The following NWD2 variants were observed in gnomAD, a reference collection of about 807,000 sequenced individuals.
NWD2 encodes NACHT and WD repeat domain containing 2.
Under a neutral mutation model 132.7 loss-of-function variants are expected in NWD2, and 37 were observed. That is an observed-to-expected ratio of 0.28 (90% CI 0.21 to 0.37). The LOEUF (loss-of-function observed/expected upper bound fraction) is 0.37. Ranked by LOEUF, NWD2 falls within the 10% of genes least tolerant of loss-of-function variation. The pLI, the probability that NWD2 is intolerant of heterozygous loss-of-function variation, is 1.00. For synonymous variants in NWD2, 705 were observed against 803.0 expected (o/e 0.88, Z 2.06); for missense variants, 1,592 against 2,122.4 (o/e 0.75, Z 4.91).
At chr4:37,358,320 C>T (rs1219810516) in intron 3 of NWD2, among the ~76,000 whole-genome samples, 2 of 150,940 alleles carry the variant, frequency 1.3e-5, no homozygotes, top group Admixed American at 1.3e-4. Flanking sequence ...AGAGCTACTG[C>T]AATAAGCCAA....
chr4:37,388,645 TATATATATC>T lies in NWD2; in HGVS notation c.357+32180_357+32188del, dbSNP rs71655492. 8.9e-5 allele frequency among the ~76,000 whole-genome samples: 10 copies of T among 112,630 alleles called. No individual in the cohort carries two copies. The East Asian group carries it at 9.8e-4, about 11-fold the overall frequency. The allele number at this position is 112,630 out of a possible 152,430, so 73.9% of individuals were successfully genotyped here. Reference sequence around the variant, plus strand: ...ATTTATGTTATATATCATATATAAATATATATATCATATATATCATATATAAATATATAT... The same window carrying T: ...ATTTATGTTATATATCATATATAAATATATATATCATATATAAATATATAT... On this transcript the variant is annotated intron_variant, in intron 3 of 6. Transcript: ENST00000309447.
rs1429697405 is a variant in NWD2, at chr4:37,430,764, A to T, written c.550A>T (p.Asn184Tyr). The T allele has an allele frequency of 6.4e-6, 10 of 1,551,388 alleles. No homozygotes were observed. In the Admixed American group the frequency reaches 1.8e-4, roughly 27 times the overall value. ...ACCCAAGTCAGAAATGCTGAGAAGC[A>T]ATAGAAATGCAGTAAGCTGCCTTTC... ...LRPKSEMLRS[N>Y]RNAMQPSTNA... Residue 184 changes from asparagine to tyrosine, a missense_variant, in exon 4 of 7, where the codon AAT (asparagine) becomes TAT (tyrosine). This residue lies in a region of NWD2 where 144 missense variants were observed against 185.7 expected (regional missense o/e 0.78). Coordinates refer to ENST00000309447, the MANE Select transcript of NWD2 (RefSeq NM_001144990.2).
At chr4:37,392,020 G>A (rs1720688306) in intron 3 of NWD2, among the ~76,000 whole-genome samples, 1 of 152,114 alleles carries the variant, frequency 6.6e-6, no homozygotes, top group South Asian at 2.1e-4. Flanking sequence ...GGCCAACATG[G>A]TGAAACCCTG....
chr4:37,325,577 A>T (rs1373892892), intron 1 of NWD2, among the ~76,000 whole-genome samples: 3 of 152,158 alleles, frequency 2.0e-5, no homozygotes, highest in Non-Finnish European at 4.4e-5. Flanking sequence ...TGGAGCTAAA[A>T]CCCTGATAAC....
At chr4:37,410,674 C>G (rs1282222196) in intron 3 of NWD2, among the ~76,000 whole-genome samples, 1 of 152,160 alleles carries the variant, frequency 6.6e-6, no homozygotes, top group Non-Finnish European at 1.5e-5. Context: ...ACTCTCCACC[C>G]CAAATCAACA....
intron 3 of NWD2, among the ~76,000 whole-genome samples, chr4:37,414,271 ATAGT>A (rs1458005051): frequency 4.6e-5 from 7 of 152,114 alleles, no homozygotes; most frequent in African/African-American, 1.7e-4. Flanking sequence ...CAAAATGTTG[ATAGT>A]TGGTAAAGCT....
At chr4:37,425,770 G>T (rs1455822430) in intron 3 of NWD2, among the ~76,000 whole-genome samples, 1 of 152,168 alleles carries the variant, frequency 6.6e-6, no homozygotes, top group African/African-American at 2.4e-5. Flanking sequence ...GAAGGATGTG[G>T]AAAATCTGTT....
At chr4:37,295,703 T>G (rs1417925823) in intron 1 of NWD2, among the ~76,000 whole-genome samples, 2 of 152,198 alleles carry the variant, frequency 1.3e-5, no homozygotes, top group African/African-American at 4.8e-5. Context: ...ATTCCTGGGT[T>G]TCCAAATGTG....
At chr4:37,324,326 T>C (rs1274926110) in intron 1 of NWD2, among the ~76,000 whole-genome samples, 1 of 152,196 alleles carries the variant, frequency 6.6e-6, no homozygotes, top group Non-Finnish European at 1.5e-5. Flanking sequence ...ACCATTTTTT[T>C]CAGAATTTCT....
At chr4:37,248,675 T>A (rs1462542522) in intron 1 of NWD2, among the ~76,000 whole-genome samples, 2 of 152,226 alleles carry the variant, frequency 1.3e-5, no homozygotes, top group Non-Finnish European at 2.9e-5. Flanking sequence ...AGTCCATGCA[T>A]ATGGAGATGA....
intron 1 of NWD2, among the ~76,000 whole-genome samples, chr4:37,277,862 G>GT (rs201776741): frequency 5.3e-5 from 8 of 151,502 alleles, no homozygotes; most frequent in East Asian, 1.9e-4. Flanking sequence ...GAAGATTATT[G>GT]TTTTTTTTCT....
At chr4:37,360,151 A>C (rs1719950523) in intron 3 of NWD2, among the ~76,000 whole-genome samples, 1 of 152,212 alleles carries the variant, frequency 6.6e-6, no homozygotes, top group African/African-American at 2.4e-5. Flanking sequence ...AACTAAAAGT[A>C]AATTTTGAAT....
chr4:37,363,962 A>C (rs1406505525), intron 3 of NWD2, among the ~76,000 whole-genome samples: 2 of 43,178 alleles, frequency 4.6e-5, no homozygotes, highest in Non-Finnish European at 1.2e-4. Flanking sequence ...TTTTCTACTA[A>C]AAATACAAAA....
intron 2 of NWD2, 131 bp from the exon 3 acceptor site, chr4:37,356,235 T>C: frequency 2.0e-6 from 1 of 491,534 alleles, no homozygotes; most frequent in Non-Finnish European, 3.6e-6. Flanking sequence ...TAAATGGATC[T>C]TAAAAATCAC....
chr4:37,270,376 A>G (rs760678026), intron 1 of NWD2, among the ~76,000 whole-genome samples: 1 of 151,806 alleles, frequency 6.6e-6, no homozygotes, highest in African/African-American at 2.4e-5. Flanking sequence ...TGGTGAGGCT[A>G]TTCTCTATTC....
chr4:37,438,118 G>A (rs569023638), intron 5 of NWD2, among the ~76,000 whole-genome samples: 6 of 152,054 alleles, frequency 3.9e-5, no homozygotes, highest in Admixed American at 2.6e-4. Flanking sequence ...AAAATTAGCC[G>A]GGCATGGTGG....
chr4:37,337,607 A>G (rs1192247929), intron 2 of NWD2, among the ~76,000 whole-genome samples: 1 of 152,150 alleles, frequency 6.6e-6, no homozygotes, highest in Non-Finnish European at 1.5e-5. Context: ...TCAGCTCTTC[A>G]TTGCTGAGGT....
Position 37,445,453 on chromosome 4 carries a change from G to A in NWD2, c.3465G>A (p.Gln1155=). 2 of 1,551,830 alleles carry A rather than the reference G, an allele frequency of 1.3e-6. No homozygotes were observed. The highest frequency in any genetic ancestry group is 4.9e-5 in the East Asian group (2 of 40,920). Residue 1155 remains glutamine (Q), a synonymous_variant, in exon 7 of 7, where the codon CAG becomes CAA. Coordinates refer to ENST00000309447, the MANE Select transcript of NWD2 (RefSeq NM_001144990.2). The surrounding 1 kb of genome is among the most constrained non-coding windows in gnomAD (Gnocchi z 4.7). ...TTCTTCTTATCTTGGACACAGCTCA[G>A]GAAATGGTCATGGTAGACAGTGAAG... ...VKFLLILDTA[Q]EMVMVDSEGS...
At position 37,438,277 on chromosome 4, in the gene NWD2, GA is replaced by G. The variant is rs961210439; in HGVS notation, c.707-515del. On this transcript the variant is annotated intron_variant, in intron 5 of 6. Coordinates refer to ENST00000309447, the MANE Select transcript of NWD2 (RefSeq NM_001144990.2). The stretch of plus-strand genomic sequence containing the variant: ...CTCCGTCTAAACAAAAAAAAAAAAA[GA>G]AAAAAAAATTTGCTTTTATATTGAT... 2.9e-3 allele frequency among the ~76,000 whole-genome samples: 426 copies of G among 148,936 alleles called. 5 individuals carry two copies. Among genetic ancestry groups the G allele is most frequent in the African/African-American group, 0.01 (412 of 40,776 alleles).
Sources: gnomAD v4.1 joint callset for allele counts (sites outside exome capture counted in the v4.1 genomes callset) on GRCh38, gnomAD v4.1.1 for gene constraint, gnomAD v4.1.1 regional missense constraint, Gnocchi (gnomAD v3.1) non-coding constraint, MANE v1.5 for transcripts, NCBI Gene and HGNC (gene_info 2026-07-23, HGNC 2026-07-21) for gene names.